Variants in CENPW observed in about 807,000 individuals in gnomAD.
The protein encoded by CENPW is cancer-up-regulated gene 2 protein.
CENPW carries 3 observed loss-of-function variants against 11.1 expected under a neutral mutation model. That is an observed-to-expected ratio of 0.27 (90% CI 0.12 to 0.70). The LOEUF (loss-of-function observed/expected upper bound fraction) is 0.70, where lower values mean the gene tolerates loss of function less well. CENPW is among the 30% of genes least tolerant of loss of function. The pLI is 0.77. For synonymous variants in CENPW, 38 were observed against 42.0 expected, an observed-to-expected ratio of 0.91 and a Z score of 0.37; for missense variants, 100 against 105.6, an observed-to-expected ratio of 0.95 and a Z score of 0.23.
chr6:126,436,510 A>G, the CENPW span, among the ~76,000 whole-genome samples: 1 of 151,792 alleles, frequency 6.6e-6, no homozygotes, highest in Non-Finnish European at 1.5e-5. Flanking sequence ...CCTTCTAAAT[A>G]TGAGACATTG....
the CENPW span, among the ~76,000 whole-genome samples, chr6:126,408,823 T>G: frequency 6.6e-6 from 1 of 152,086 alleles, no homozygotes; most frequent in African/African-American, 2.4e-5. Flanking sequence ...CAATTATAAT[T>G]TTTTTGTTTC....
At chr6:126,422,666 A>G in the CENPW span, among the ~76,000 whole-genome samples, 3 of 151,864 alleles carry the variant, frequency 2.0e-5, no homozygotes, top group Admixed American at 6.6e-5. Flanking sequence ...ATTCAGCTAC[A>G]CTCTACTTCA....
At chr6:126,432,467 T>C in the CENPW span, among the ~76,000 whole-genome samples, 1 of 152,162 alleles carries the variant, frequency 6.6e-6, no homozygotes. Flanking sequence ...CCTCAATATC[T>C]TACAGTTTTT....
the CENPW span, among the ~76,000 whole-genome samples, chr6:126,385,343 C>A: frequency 6.6e-6 from 1 of 152,006 alleles, no homozygotes; most frequent in South Asian, 2.1e-4. Flanking sequence ...ATAGCAAAGA[C>A]ATGAAATTAA....
chr6:126,373,985 A>C, the CENPW span, among the ~76,000 whole-genome samples: 1 of 152,148 alleles, frequency 6.6e-6, no homozygotes, highest in Non-Finnish European at 1.5e-5. Flanking sequence ...TGGGAGTTCT[A>C]AGAAATAGAG....
At chr6:126,369,869 T>C in the CENPW span, among the ~76,000 whole-genome samples, 108 of 152,294 alleles carry the variant, frequency 7.1e-4, 1 homozygote, top group Non-Finnish European at 1.1e-3. Flanking sequence ...TCAAGAAGGG[T>C]TTTTCCAATG....
chr6:126,348,854 G>A lies in CENPW; in HGVS notation c.*362G>A, dbSNP rs1780458028. ...TTTAGATTTAGCCACAGTTAACTAT[G>A]GAATTTAATCTCTGAAGAAAGGCAA... On this transcript the variant is annotated 3_prime_UTR_variant, in exon 3 of 3. Transcript: ENST00000368328. 6.3e-6 allele frequency: 1 copy of A among 158,634 alleles called. No individual in the cohort carries two copies. Among genetic ancestry groups the A allele is most frequent in the African/African-American group, 2.4e-5 (1 of 41,664 alleles). The allele number at this position is 158,634 out of a possible 1,614,324, so 9.8% of individuals were successfully genotyped here. A position where few individuals can be genotyped will look rare whatever the true frequency, so the allele number is the denominator to read the frequency against.
the CENPW span, among the ~76,000 whole-genome samples, chr6:126,430,132 T>C: frequency 6.6e-6 from 1 of 152,200 alleles, no homozygotes; most frequent in South Asian, 2.1e-4. Context: ...TGGAATAGAT[T>C]CTGAGCTGTT....
chr6:126,465,721 T>G, the CENPW span, among the ~76,000 whole-genome samples: 181 of 151,938 alleles, frequency 1.2e-3, no homozygotes, highest in Non-Finnish European at 9.0e-4. Flanking sequence ...CACATAAACA[T>G]AGAGAATTGA....
At chr6:126,400,465 T>C in the CENPW span, among the ~76,000 whole-genome samples, 5 of 152,082 alleles carry the variant, frequency 3.3e-5, no homozygotes, top group East Asian at 1.9e-4. Context: ...TCCTTTATCA[T>C]ATATACATCT....
chr6:126,444,051 G>A, the CENPW span, among the ~76,000 whole-genome samples: 30 of 148,302 alleles, frequency 2.0e-4, no homozygotes, highest in African/African-American at 7.4e-4. Flanking sequence ...CGTCAATCAG[G>A]TCTTTTTTTT....
chr6:126,466,331 T>G, the CENPW span, among the ~76,000 whole-genome samples: 12 of 152,110 alleles, frequency 7.9e-5, no homozygotes, highest in African/African-American at 2.4e-4. Context: ...CAAAGGAAAC[T>G]GTATATAAGC....
At chr6:126,393,162 A>C in the CENPW span, among the ~76,000 whole-genome samples, 1 of 151,568 alleles carries the variant, frequency 6.6e-6, no homozygotes, top group South Asian at 2.1e-4. Context: ...CTCTGGTTTT[A>C]TTTATTTGGA....
the CENPW span, among the ~76,000 whole-genome samples, chr6:126,369,243 T>C: frequency 0.024 from 3,658 of 152,250 alleles, 125 homozygotes; most frequent in African/African-American, 0.083. Context: ...TGTGCTGCTA[T>C]AAATGTGTTT....
the CENPW span, among the ~76,000 whole-genome samples, chr6:126,454,136 C>T: frequency 6.6e-6 from 1 of 151,258 alleles, no homozygotes; most frequent in Non-Finnish European, 1.5e-5. Context: ...GACTTCAACA[C>T]CCCACTGACA....
the CENPW span, among the ~76,000 whole-genome samples, chr6:126,368,488 A>T: frequency 2.6e-5 from 4 of 151,336 alleles, no homozygotes; most frequent in Non-Finnish European, 5.9e-5. Context: ...ATTGGATTGG[A>T]GTACTTTTAG....
the CENPW span, among the ~76,000 whole-genome samples, chr6:126,372,830 A>G: frequency 2.2e-4 from 34 of 152,332 alleles, no homozygotes; most frequent in Middle Eastern, 3.4e-3. Flanking sequence ...AAATGCAATC[A>G]TTTCATTGCT....
chr6:126,439,157 G>A, the CENPW span, among the ~76,000 whole-genome samples: 4 of 151,628 alleles, frequency 2.6e-5, no homozygotes, highest in African/African-American at 9.7e-5. Flanking sequence ...AGACTGTAAT[G>A]CAGGTTTGTA....
chr6:126,422,410 T>A, the CENPW span, among the ~76,000 whole-genome samples: 1 of 152,096 alleles, frequency 6.6e-6, no homozygotes, highest in Admixed American at 6.6e-5. Flanking sequence ...AGGTTTGATT[T>A]CTCCTGGGGC....
Sources: allele counts gnomAD v4.1 joint callset (sites outside exome capture counted in the v4.1 genomes callset), GRCh38; gene constraint gnomAD v4.1.1; transcripts MANE v1.5; gene names NCBI Gene and HGNC (gene_info 2026-07-23, HGNC 2026-07-21).